ATP8A2: variants seen among roughly 807,000 people sequenced by gnomAD.
ATP8A2 encodes ATPase phospholipid transporting 8A2.
In ATP8A2, 100 loss-of-function variants were observed where a neutral mutation model predicts 165.6. The observed-to-expected ratio is 0.60, with a 90% CI of 0.51 to 0.71. The LOEUF (loss-of-function observed/expected upper bound fraction) is 0.71. Among genes scored for constraint, ATP8A2 ranks in the 30% least tolerant of loss-of-function variants. The pLI, the probability that ATP8A2 is intolerant of heterozygous loss-of-function variation, is 0.00. For synonymous variants in ATP8A2, 543 were observed against 548.8 expected, an observed-to-expected ratio of 0.99 and a Z score of 0.15; for missense variants, 1,227 against 1,479.5, an observed-to-expected ratio of 0.83 and a Z score of 2.80.
At chr13:25,657,743 G>C (rs1302478363) in intron 24 of ATP8A2, among the ~76,000 whole-genome samples, 1 of 152,194 alleles carries the variant, frequency 6.6e-6, no homozygotes, top group Non-Finnish European at 1.5e-5. Flanking sequence ...TGATGACCTT[G>C]TTAAAACATA....
At chr13:25,993,846 T>C (rs1328948713) in intron 35 of ATP8A2, among the ~76,000 whole-genome samples, 3 of 152,244 alleles carry the variant, frequency 2.0e-5, no homozygotes, top group Non-Finnish European at 2.9e-5. Flanking sequence ...TATATACTTT[T>C]TGGAATGGTC....
intron 33 of ATP8A2, among the ~76,000 whole-genome samples, chr13:25,870,831 G>A (rs1463053800): frequency 6.6e-6 from 1 of 152,162 alleles, no homozygotes; most frequent in Admixed American, 6.5e-5. Context: ...CAATGCAATA[G>A]AATTTTTAAA....
At chr13:25,618,800 A>G (rs2040893039) in intron 24 of ATP8A2, among the ~76,000 whole-genome samples, 1 of 151,870 alleles carries the variant, frequency 6.6e-6, no homozygotes. Context: ...AGGGTCACAT[A>G]GAATAGCATA....
chr13:25,532,310 A>G lies in ATP8A2; in HGVS notation c.459A>G (p.Lys153=), dbSNP rs1340026208. 1 of 1,610,428 alleles carries G rather than the reference A, an allele frequency of 6.2e-7. No individual in the cohort carries two copies. The highest frequency in any genetic ancestry group is 1.7e-5 in the Admixed American group (1 of 59,468). ...HKADNAVNKK[K]TIVLRNGMWH... is the part of the protein sequence containing the mutation. ...CAGACAATGCAGTTAACAAAAAGAAAACAATAGGTAAGATCCCAGGCTGAA... is the reference window on the plus strand; with the variant it reads ...CAGACAATGCAGTTAACAAAAAGAAGACAATAGGTAAGATCCCAGGCTGAA... Residue 153 remains lysine, a synonymous_variant, in exon 5 of 37, where the codon AAA becomes AAG. Coordinates refer to ENST00000381655, the MANE Select transcript of ATP8A2 (RefSeq NM_016529.6).
intron 33 of ATP8A2, among the ~76,000 whole-genome samples, chr13:25,938,388 A>G (rs1051616316): frequency 2.0e-5 from 3 of 152,242 alleles, no homozygotes; most frequent in African/African-American, 7.2e-5. Flanking sequence ...GAAAAAGTTA[A>G]TAAAACGTTG....
At chr13:25,658,089 C>G (rs1243574373) in intron 24 of ATP8A2, among the ~76,000 whole-genome samples, 1 of 152,144 alleles carries the variant, frequency 6.6e-6, no homozygotes, top group Admixed American at 6.5e-5. Context: ...AACTTGGCAC[C>G]AAGGCCACTG....
chr13:26,017,809 C>T (rs777021677), intron 36 of ATP8A2, among the ~76,000 whole-genome samples: 2 of 152,336 alleles, frequency 1.3e-5, no homozygotes, highest in African/African-American at 4.8e-5. Flanking sequence ...CCCCTCCAGG[C>T]TGATGCTGCC....
intron 24 of ATP8A2, among the ~76,000 whole-genome samples, chr13:25,667,186 A>G (rs143725732): frequency 5.9e-5 from 9 of 152,156 alleles, no homozygotes; most frequent in African/African-American, 1.9e-4. Flanking sequence ...TTCTGTCTCT[A>G]TGGATTTACC....
chr13:25,757,627 T>G (rs533736273), intron 25 of ATP8A2, among the ~76,000 whole-genome samples: 2 of 152,234 alleles, frequency 1.3e-5, no homozygotes, highest in East Asian at 3.9e-4. Flanking sequence ...GGTTGATGAC[T>G]CCCATATTCG....
At chr13:25,650,946 T>C (rs1202267307) in intron 24 of ATP8A2, among the ~76,000 whole-genome samples, 2 of 152,192 alleles carry the variant, frequency 1.3e-5, no homozygotes, top group African/African-American at 4.8e-5. Flanking sequence ...CCTATAGTGT[T>C]CATTTTTCTG....
intron 2 of ATP8A2, among the ~76,000 whole-genome samples, chr13:25,501,939 G>C (rs754234529): frequency 6.6e-6 from 1 of 152,228 alleles, no homozygotes; most frequent in African/African-American, 2.4e-5. Flanking sequence ...TTGCACTGGA[G>C]GGGGAGCAAC....
At chr13:25,996,448 C>A (rs1956505584) in intron 35 of ATP8A2, among the ~76,000 whole-genome samples, 1 of 152,146 alleles carries the variant, frequency 6.6e-6, no homozygotes, top group Non-Finnish European at 1.5e-5. Flanking sequence ...TCATATTTTG[C>A]TTACTATATT....
chr13:25,837,855 G>C (rs1430788871), intron 29 of ATP8A2, among the ~76,000 whole-genome samples: 1 of 152,182 alleles, frequency 6.6e-6, no homozygotes, highest in Admixed American at 6.5e-5. Flanking sequence ...AAAAAAGAAA[G>C]ATATAGGTGA....
intron 28 of ATP8A2, among the ~76,000 whole-genome samples, chr13:25,832,218 G>A (rs1331031627): frequency 2.6e-5 from 4 of 152,130 alleles, no homozygotes; most frequent in Admixed American, 6.5e-5. Flanking sequence ...AATTACAGGC[G>A]TGAGCCACTG....
intron 26 of ATP8A2, among the ~76,000 whole-genome samples, chr13:25,774,601 A>G (rs891448649): frequency 2.0e-5 from 3 of 152,254 alleles, no homozygotes; most frequent in Non-Finnish European, 4.4e-5. Flanking sequence ...ATAGAATTTC[A>G]TAAGAATAAC....
At chr13:25,990,646 T>C (rs1028937910) in intron 35 of ATP8A2, among the ~76,000 whole-genome samples, 1 of 152,198 alleles carries the variant, frequency 6.6e-6, no homozygotes, top group African/African-American at 2.4e-5. Flanking sequence ...GTTTATTGTA[T>C]GATTCTGAGT....
intron 24 of ATP8A2, among the ~76,000 whole-genome samples, chr13:25,656,096 A>G (rs947287759): frequency 6.6e-6 from 1 of 152,174 alleles, no homozygotes; most frequent in Non-Finnish European, 1.5e-5. Flanking sequence ...CCATCGCTGA[A>G]ACCCTATGCC....
At chr13:25,882,489 G>C (rs1047935855) in intron 33 of ATP8A2, among the ~76,000 whole-genome samples, 1 of 152,120 alleles carries the variant, frequency 6.6e-6, no homozygotes, top group African/African-American at 2.4e-5. Context: ...GACTAAGTTC[G>C]TGAGAAACAG....
intron 27 of ATP8A2, among the ~76,000 whole-genome samples, chr13:25,820,913 T>G (rs1010402126): frequency 4.6e-5 from 7 of 152,132 alleles, no homozygotes; most frequent in Non-Finnish European, 7.4e-5. Context: ...AGAAGTGGAT[T>G]TTTTTGTTTG....
Sources: allele counts gnomAD v4.1 joint callset (sites outside exome capture counted in the v4.1 genomes callset), GRCh38; gene constraint gnomAD v4.1.1; transcripts MANE v1.5; gene names NCBI Gene and HGNC (gene_info 2026-07-23, HGNC 2026-07-21).